Variants in OTOGL observed in about 807,000 individuals in gnomAD.
OTOGL encodes otogelin like.
Under a neutral mutation model 318.5 loss-of-function variants are expected in OTOGL, and 285 were observed. The ratio of observed to expected loss-of-function variants is 0.89; its 90% confidence interval spans 0.81 to 0.99. The LOEUF is 0.99. Ranked by LOEUF, OTOGL falls within the 50% of genes least tolerant of loss-of-function variation. OTOGL has a pLI of 0.00. For missense variants in OTOGL, 2,899 were observed against 2,845.6 expected, an observed-to-expected ratio of 1.02 and a Z score of -0.43; for synonymous variants, 987 against 936.5, an observed-to-expected ratio of 1.05 and a Z score of -0.99.
At chr12:80,250,284 A>T (rs957346279) in intron 11 of OTOGL, among the ~76,000 whole-genome samples, 1 of 151,946 alleles carries the variant, frequency 6.6e-6, no homozygotes, top group African/African-American at 2.4e-5. Flanking sequence ...GTAAATTATA[A>T]TTTTTTTCTT....
At position 80,261,807 on chromosome 12, in the gene OTOGL, G is replaced by A. The variant is rs1882546878; in HGVS notation, c.1890-162G>A. ...CACATTGCAAAATGTCAGTAATATG[G>A]AGCTTAATATCGTTGTACTTTTTTT... On this transcript the variant is annotated intron_variant, in intron 18 of 58. Transcript: ENST00000547103. Among the ~76,000 whole-genome samples, 3 of 151,868 alleles carry A rather than the reference G, an allele frequency of 2.0e-5. No individual in the cohort carries two copies. In the South Asian group the frequency reaches 6.2e-4, roughly 32 times the overall value.
Position 80,252,144 on chromosome 12 carries a change from G to C in OTOGL, c.1228G>C (p.Glu410Gln), listed in dbSNP as rs1431425014. ...ISCCPPTCTF[E>Q]KQCLGSNLHC... Reference sequence around the variant, plus strand: ...TTGTTGTCCACCAACCTGCACATTTGAGAAGCAATGTCTTGGGAGCAATCT... The same window carrying C: ...TTGTTGTCCACCAACCTGCACATTTCAGAAGCAATGTCTTGGGAGCAATCT... Residue 410 changes from glutamate (E) to glutamine (Q), a missense_variant, in exon 13 of 59, where the codon GAG becomes CAG. By Grantham distance (29) the Glu-to-Gln change is conservative. Coordinates refer to ENST00000547103, the MANE Select transcript of OTOGL (RefSeq NM_001378609.3). 1 of 1,582,876 alleles carries C rather than the reference G, an allele frequency of 6.3e-7. No individual in the cohort carries two copies. The highest frequency in any genetic ancestry group is 2.3e-5 in the East Asian group (1 of 43,956).
At chr12:80,377,299 C>T (rs541239612) in intron 58 of OTOGL, 97 bp downstream of exon 58, 132 of 769,636 alleles carry the variant, frequency 1.7e-4, no homozygotes, top group South Asian at 3.7e-4. Context: ...AAACTGCCAA[C>T]GCTTAACAAT....
chr12:80,244,755 A>G (rs1282304603), intron 11 of OTOGL, among the ~76,000 whole-genome samples: 2 of 147,956 alleles, frequency 1.4e-5, no homozygotes, highest in Non-Finnish European at 2.9e-5. Flanking sequence ...GACTTCCACA[A>G]TGGTTGAACT....
chr12:80,297,389 T>G (rs1383590285), intron 27 of OTOGL, among the ~76,000 whole-genome samples: 1 of 151,168 alleles, frequency 6.6e-6, no homozygotes, highest in Non-Finnish European at 1.5e-5. Flanking sequence ...TGGAGTGCAG[T>G]GGCACGATCT....
At chr12:80,108,990 C>T (rs180678456) in intron 1 of OTOGL, among the ~76,000 whole-genome samples, 55 of 143,546 alleles carry the variant, frequency 3.8e-4, no homozygotes, top group Non-Finnish European at 7.1e-4. Context: ...TATCATTATT[C>T]TTTGCTCAAA....
In OTOGL at chr12:80,380,534, C is replaced by A. The variant is rs895140859; in HGVS notation, c.*2486C>A. The stretch of plus-strand genomic sequence containing the variant: ...ACAAAAAAGATAACTGAGCACACTT[C>A]TAGCTAATAAAAAATATTTCACATT... On this transcript the variant is annotated 3_prime_UTR_variant, in exon 59 of 59. Coordinates refer to ENST00000547103, the MANE Select transcript of OTOGL (RefSeq NM_001378609.3). 1 of 151,988 alleles carries A rather than the reference C, an allele frequency of 6.6e-6. No homozygotes were observed. The highest frequency in any genetic ancestry group is 1.5e-5 in the Non-Finnish European group (1 of 67,940). 9.4% of individuals were successfully genotyped at this position (151,988 alleles called of 1,614,324 possible). A position where few individuals can be genotyped will look rare whatever the true frequency, so the allele number is the denominator to read the frequency against.
At chr12:80,244,044 T>G (rs1013471864) in intron 11 of OTOGL, among the ~76,000 whole-genome samples, 1 of 151,368 alleles carries the variant, frequency 6.6e-6, no homozygotes, top group African/African-American at 2.4e-5. Flanking sequence ...TCAGAATATC[T>G]TGGCTAAAAC....
chr12:80,186,632 T>C (rs1486721006), intron 1 of OTOGL, among the ~76,000 whole-genome samples: 1 of 152,126 alleles, frequency 6.6e-6, no homozygotes, highest in Non-Finnish European at 1.5e-5. Flanking sequence ...TTTTCAGACG[T>C]ATCGCTCACC....
intron 26 of OTOGL, among the ~76,000 whole-genome samples, chr12:80,289,796 G>A (rs374777792): frequency 3.3e-5 from 5 of 152,180 alleles, no homozygotes; most frequent in South Asian, 2.1e-4. Flanking sequence ...TGCTGGCAGC[G>A]AGAATTTCAA....
At chr12:80,118,608 G>A (rs1253949443) in intron 1 of OTOGL, among the ~76,000 whole-genome samples, 1 of 152,166 alleles carries the variant, frequency 6.6e-6, no homozygotes, top group Non-Finnish European at 1.5e-5. Context: ...AGAGTAATGT[G>A]AAATATGGTT....
rs1222578692 is a variant in OTOGL at position 80,364,335 on chromosome 12, G to T, written c.6268-2239G>T. 2.6e-5 allele frequency among the ~76,000 whole-genome samples: 4 copies of T among 152,100 alleles called. No individual in the cohort carries two copies. The East Asian group carries it at 7.7e-4, about 29-fold the overall frequency. On this transcript the variant is annotated intron_variant, in intron 52 of 58. Coordinates refer to ENST00000547103, the MANE Select transcript of OTOGL (RefSeq NM_001378609.3). ...ATTTTAAAAAATATCACATTAGTTT[G>T]TTCACATAGACGAATGTGTTTCAAC... is the stretch of plus-strand genomic sequence containing the variant.
At chr12:80,304,124 T>C (rs779746891) in intron 28 of OTOGL, among the ~76,000 whole-genome samples, 2 of 152,212 alleles carry the variant, frequency 1.3e-5, no homozygotes, top group Non-Finnish European at 2.9e-5. Flanking sequence ...TGGCAAAGTA[T>C]ATTTAAGATT....
At chr12:80,238,527 A>G (rs1290963440) in intron 9 of OTOGL, among the ~76,000 whole-genome samples, 1 of 152,146 alleles carries the variant, frequency 6.6e-6, no homozygotes, top group African/African-American at 2.4e-5. Flanking sequence ...TCTCCTTTCA[A>G]CAGCACTGAT....
At chr12:80,214,163 A>G (rs1877502824) in intron 4 of OTOGL, among the ~76,000 whole-genome samples, 1 of 152,232 alleles carries the variant, frequency 6.6e-6, no homozygotes, top group Non-Finnish European at 1.5e-5. Context: ...CATTGGCATT[A>G]CATTCCAAAA....
At chr12:80,356,300 G>T (rs766595672) in intron 47 of OTOGL, 116 bp from the exon 48 acceptor site, 7 of 756,760 alleles carry the variant, frequency 9.2e-6, no homozygotes, top group Admixed American at 8.0e-5. Flanking sequence ...CATGCATAAT[G>T]AGAGTCATTT....
chr12:80,152,395 G>T (rs1251019232), intron 1 of OTOGL, among the ~76,000 whole-genome samples: 1 of 152,164 alleles, frequency 6.6e-6, no homozygotes, highest in Non-Finnish European at 1.5e-5. Context: ...TAAGGAAGAT[G>T]CTGAGATCTT....
chr12:80,235,698 T>G lies in OTOGL; in HGVS notation c.817+2601T>G, dbSNP rs115148832. Among the ~76,000 whole-genome samples the G allele has an allele frequency of 7.3e-3, 1,109 of 152,214 alleles. 16 individuals carry two copies. Among genetic ancestry groups the G allele is most frequent in the African/African-American group, 0.025 (1,043 of 41,522 alleles). On this transcript the variant is annotated intron_variant, in intron 9 of 58. Transcript: ENST00000547103. ...GGCAGCATGCACAAGGGTGTCAGTC[T>G]GCCAGAGGAAGACTGGCAGAAGGCA... is the stretch of plus-strand genomic sequence containing the variant.
intron 37 of OTOGL, among the ~76,000 whole-genome samples, chr12:80,330,591 A>C (rs543295107): frequency 1.3e-5 from 2 of 152,346 alleles, no homozygotes; most frequent in African/African-American, 4.8e-5. Context: ...TTAATATTCA[A>C]CATTATCTCA....
Sources: allele counts gnomAD v4.1 joint callset (sites outside exome capture counted in the v4.1 genomes callset), GRCh38; gene constraint gnomAD v4.1.1; transcripts MANE v1.5; gene names NCBI Gene and HGNC (gene_info 2026-07-23, HGNC 2026-07-21).